Variants in GCSAML observed in about 807,000 individuals in gnomAD.
GCSAML encodes the protein germinal center-associated signaling and motility-like protein.
In GCSAML, 9 loss-of-function variants were observed where a neutral mutation model predicts 13.0. That is an observed-to-expected ratio of 0.69 (90% CI 0.42 to 1.21). The LOEUF (loss-of-function observed/expected upper bound fraction) is 1.21. Ranked by LOEUF, GCSAML falls within the 50% of genes most tolerant of loss-of-function variation. The probability of loss-of-function intolerance (pLI) is 0.00; values close to 1 mark genes in which losing one functional copy is unlikely to be tolerated. For synonymous variants in GCSAML, 37 were observed against 52.9 expected, an observed-to-expected ratio of 0.70 and a Z score of 1.31; for missense variants, 143 against 153.4, an observed-to-expected ratio of 0.93 and a Z score of 0.36.
In GCSAML at chr1:247,576,507, C is replaced by T. The variant is rs1668840788; in HGVS notation, c.*2125C>T. ...CTGAACTGAGCCAGGATCTTGCCAC[C>T]ACATTCCAGCTTGGGCAACAGAGTG... On this transcript the variant is annotated 3_prime_UTR_variant, in exon 5 of 5. Coordinates refer to ENST00000366488, the MANE Select transcript of GCSAML (RefSeq NM_145278.5). 6.6e-6 allele frequency: 1 copy of T among 151,990 alleles called. No homozygotes were observed. The highest frequency in any genetic ancestry group is 2.4e-5 in the African/African-American group (1 of 41,296). The allele number at this position is 151,990 out of a possible 1,614,324, so 9.4% of individuals were successfully genotyped here.
intron 1 of GCSAML, among the ~76,000 whole-genome samples, chr1:247,552,909 C>T (rs1003206438): frequency 1.3e-5 from 2 of 152,122 alleles, no homozygotes; most frequent in Non-Finnish European, 2.9e-5. Flanking sequence ...GCACGCACCA[C>T]CATGCCCGTC....
At chr1:247,539,975 A>G (rs1021810656) in intron 2 of GCSAML, among the ~76,000 whole-genome samples, 1 of 151,482 alleles carries the variant, frequency 6.6e-6, no homozygotes. Flanking sequence ...TCCTCCCTCT[A>G]CTGTAGCCTC....
At chr1:247,550,566 G>A (rs927451216) in intron 1 of GCSAML, among the ~76,000 whole-genome samples, 1 of 152,230 alleles carries the variant, frequency 6.6e-6, no homozygotes, top group South Asian at 2.1e-4. Context: ...GAACCCGGGA[G>A]GCGGAGCTTG....
At chr1:247,569,854 T>A (rs535675876) in intron 4 of GCSAML, among the ~76,000 whole-genome samples, 30 of 152,290 alleles carry the variant, frequency 2.0e-4, no homozygotes, top group Admixed American at 5.2e-4. Flanking sequence ...TTTTGGTTGG[T>A]AGGCTAATTA....
At chr1:247,538,674 A>C (rs1415159336) in intron 2 of GCSAML, 1 of 453,272 alleles carries the variant, frequency 2.2e-6, no homozygotes, top group Non-Finnish European at 4.4e-6. Context: ...ACACATGCAC[A>C]GAGGAAAGGC....
rs755368641 is a variant in GCSAML at position 247,556,475 on chromosome 1, A to G, written c.89+9A>G. The stretch of plus-strand genomic sequence containing the variant: ...GATGAGGAAAGAAAACGGTAAGAAC[A>G]GAGCATCTCAGAGTTTTTTTGTTTT... On this transcript the variant is annotated intron_variant, in intron 2 of 4. Transcript: ENST00000366488. 9.4e-6 allele frequency: 15 copies of G among 1,590,412 alleles called. No homozygotes were observed. In the South Asian group the frequency reaches 1.1e-4, roughly 12 times the overall value.
Position 247,574,633 on chromosome 1 carries a change from G to A in GCSAML, c.*251G>A. The A allele has an allele frequency of 1.4e-5, 6 of 437,884 alleles. No homozygotes were observed. Among genetic ancestry groups the A allele is most frequent in the South Asian group, 4.4e-5 (1 of 22,540 alleles). The allele number at this position is 437,884 out of a possible 1,614,324, so 27.1% of individuals were successfully genotyped here. A position where few individuals can be genotyped will look rare whatever the true frequency, so the allele number is the denominator to read the frequency against. The stretch of plus-strand genomic sequence containing the variant: ...TGCTTGTAAAGTTTGAGGACATGGA[G>A]GTGATAAAAAAAACTTTCTTAGGAC... On this transcript the variant is annotated 3_prime_UTR_variant, in exon 5 of 5. Transcript: ENST00000366488.
chr1:247,520,848 C>T (rs376230772), intron 1 of GCSAML, among the ~76,000 whole-genome samples: 6 of 152,168 alleles, frequency 3.9e-5, no homozygotes, highest in African/African-American at 1.4e-4. Flanking sequence ...AACCAACTTA[C>T]GTCTATACTA....
At chr1:247,532,324 AAG>A in intron 2 of GCSAML, 1 of 1,614,186 alleles carries the variant, frequency 6.2e-7, no homozygotes, top group Non-Finnish European at 8.5e-7. Context: ...GTTGGCAAGA[AAG>A]AAGTACATAG....
At chr1:247,552,702 C>T (rs1280369325) in intron 1 of GCSAML, among the ~76,000 whole-genome samples, 1 of 152,178 alleles carries the variant, frequency 6.6e-6, no homozygotes, top group African/African-American at 2.4e-5. Flanking sequence ...ATTCAGACAA[C>T]ATTGTGAATA....
At chr1:247,548,803 C>A (rs75738890), upstream of GCSAML, among the ~76,000 whole-genome samples, 3,738 of 152,290 alleles carry the variant, frequency 0.025, 87 homozygotes, top group East Asian at 0.09. The surrounding 1 kb of genome is among the most constrained non-coding windows in gnomAD (Gnocchi z 5.3). Flanking sequence ...TTATTATGCT[C>A]ACTTCGGAGG....
chr1:247,546,504 G>A (rs1027541478), upstream of GCSAML, among the ~76,000 whole-genome samples: 8 of 151,940 alleles, frequency 5.3e-5, no homozygotes, highest in South Asian at 4.2e-4. Context: ...GACTACAGGT[G>A]CCCGCCACCA....
chr1:247,532,191 C>G, intron 2 of GCSAML: 1 of 1,614,122 alleles, frequency 6.2e-7, no homozygotes, highest in Non-Finnish European at 8.5e-7. Flanking sequence ...TTGCCCCCAG[C>G]CAATGGGAGA....
chr1:247,520,819 G>A (rs1666389467), intron 1 of GCSAML, among the ~76,000 whole-genome samples: 2 of 152,044 alleles, frequency 1.3e-5, no homozygotes, highest in African/African-American at 4.8e-5. Context: ...TATAGACATT[G>A]CAAAAAGGGA....
At chr1:247,521,749 G>A (rs1419342881) in intron 1 of GCSAML, among the ~76,000 whole-genome samples, 1 of 151,934 alleles carries the variant, frequency 6.6e-6, no homozygotes, top group East Asian at 1.9e-4. Context: ...CCTCCCAGCC[G>A]CCTGCCTTGG....
intron 1 of GCSAML, among the ~76,000 whole-genome samples, chr1:247,508,188 CTTT>C (rs1228646839): frequency 6.6e-6 from 1 of 152,190 alleles, no homozygotes; most frequent in African/African-American, 2.4e-5. Context: ...TGTTTCCTGA[CTTT>C]TTAATGATTG....
chr1:247,510,420 T>G (rs757022570), intron 1 of GCSAML, among the ~76,000 whole-genome samples: 6 of 152,120 alleles, frequency 3.9e-5, no homozygotes, highest in Non-Finnish European at 7.4e-5. Context: ...GTCTGGCTTG[T>G]GGTCTATCTG....
intron 2 of GCSAML, among the ~76,000 whole-genome samples, chr1:247,562,993 C>T (rs1217868899): frequency 6.8e-6 from 1 of 148,046 alleles, no homozygotes; most frequent in Admixed American, 7.0e-5. Context: ...GTGCATGCCA[C>T]CGTACCCAGC....
chr1:247,537,212 G>T (rs2103015653), intron 2 of GCSAML, among the ~76,000 whole-genome samples: 1 of 152,248 alleles, frequency 6.6e-6, no homozygotes. Context: ...CATATAAATG[G>T]ACTTATATCA....
Sources: allele counts gnomAD v4.1 joint callset (sites outside exome capture counted in the v4.1 genomes callset), GRCh38; gene constraint gnomAD v4.1.1; non-coding constraint Gnocchi (gnomAD v3.1); transcripts MANE v1.5; gene names NCBI Gene and HGNC (gene_info 2026-07-23, HGNC 2026-07-21).